AFF3: variants seen among roughly 807,000 people sequenced by gnomAD.
The protein encoded by AFF3 is AF4/FMR2 family member 3.
Under a neutral mutation model 129.7 loss-of-function variants are expected in AFF3, and 32 were observed. The observed-to-expected ratio is 0.25, with a 90% confidence interval of 0.19 to 0.33. The LOEUF (loss-of-function observed/expected upper bound fraction) is 0.33. AFF3 is among the 10% of genes least tolerant of loss of function. The pLI is 1.00. For missense variants in AFF3, 1,373 were observed against 1,592.0 expected, an observed-to-expected ratio of 0.86 and a Z score of 2.34; for synonymous variants, 644 against 635.4, an observed-to-expected ratio of 1.01 and a Z score of -0.20.
intron 7 of AFF3, among the ~76,000 whole-genome samples, chr2:99,947,888 G>A (rs111621091): frequency 1.3e-4 from 20 of 152,194 alleles, no homozygotes; most frequent in Admixed American, 2.6e-4. Context: ...TTTTCTCAGC[G>A]CTGGAATAAA....
Position 99,832,102 on chromosome 2 carries a change from T to C in AFF3, c.921+5375A>G, listed in dbSNP as rs114297789. Among the ~76,000 whole-genome samples, 466 of 152,330 alleles carry C rather than the reference T, an allele frequency of 3.1e-3. 3 individuals carry two copies. Among genetic ancestry groups the C allele is most frequent in the African/African-American group, 0.011 (449 of 41,568 alleles). ...GAAACTATGAAACCTTTGCATAAAA[T>C]ATTGACAAACGCCCCGTGAAAAGAT... is the stretch of plus-strand genomic sequence containing the variant. On this transcript the variant is annotated intron_variant, in intron 8 of 24. Coordinates refer to ENST00000672756, the MANE Select transcript of AFF3 (RefSeq NM_001386135.1).
At chr2:99,899,514 T>C (rs1049971966) in intron 7 of AFF3, among the ~76,000 whole-genome samples, 1 of 152,220 alleles carries the variant, frequency 6.6e-6, no homozygotes, top group Non-Finnish European at 1.5e-5. Context: ...GATCCATTTA[T>C]CTTCACTGGT....
chr2:99,573,159 C>G (rs931346144), intron 18 of AFF3, among the ~76,000 whole-genome samples: 3 of 151,972 alleles, frequency 2.0e-5, no homozygotes, highest in Non-Finnish European at 4.4e-5. Flanking sequence ...CTTACAAAAC[C>G]CTAAAGATGA....
intron 11 of AFF3, among the ~76,000 whole-genome samples, chr2:99,716,206 T>C (rs746414424): frequency 7.9e-5 from 12 of 152,192 alleles, no homozygotes; most frequent in Admixed American, 2.6e-4. Flanking sequence ...CCTAGAATTT[T>C]TCTAGTATAG....
At chr2:99,950,352 A>G (rs1303032979) in intron 7 of AFF3, among the ~76,000 whole-genome samples, 1 of 152,198 alleles carries the variant, frequency 6.6e-6, no homozygotes, top group Non-Finnish European at 1.5e-5. Context: ...TAAGGGAAAA[A>G]TAAGTTAAAG....
At chr2:99,988,278 T>C (rs1483122897) in intron 7 of AFF3, among the ~76,000 whole-genome samples, 1 of 152,202 alleles carries the variant, frequency 6.6e-6, no homozygotes, top group Non-Finnish European at 1.5e-5. Context: ...TAGTGCCAGC[T>C]TGACTTCATC....
intron 7 of AFF3, among the ~76,000 whole-genome samples, chr2:99,970,212 G>A (rs747943995): frequency 2.6e-5 from 4 of 152,110 alleles, no homozygotes; most frequent in African/African-American, 4.8e-5. Flanking sequence ...TCCGTGTACC[G>A]TCCTGAAGGG....
intron 4 of AFF3, among the ~76,000 whole-genome samples, chr2:100,086,862 C>T (rs1017765503): frequency 4.6e-5 from 7 of 152,246 alleles, no homozygotes; most frequent in African/African-American, 1.4e-4. Flanking sequence ...TCATTTCTAT[C>T]TGTTATGCCA....
chr2:100,124,999 A>T (rs1692126202), intron 2 of AFF3, among the ~76,000 whole-genome samples: 1 of 152,248 alleles, frequency 6.6e-6, no homozygotes, highest in African/African-American at 2.4e-5. Flanking sequence ...TGACAGAATC[A>T]TAGCAACTTG....
intron 2 of AFF3, among the ~76,000 whole-genome samples, chr2:100,113,156 A>G (rs995220603): frequency 1.3e-5 from 2 of 152,194 alleles, no homozygotes; most frequent in African/African-American, 4.8e-5. Context: ...TCAGGCCTCA[A>G]GAGGATAATC....
intron 4 of AFF3, among the ~76,000 whole-genome samples, chr2:100,043,028 A>AT (rs34981944): frequency 0.024 from 3,541 of 147,866 alleles, 133 homozygotes; most frequent in African/African-American, 0.079. Context: ...ACCCAGAAGA[A>AT]TTTTTTTTTT....
At chr2:100,030,896 T>C (rs1345143002) in intron 4 of AFF3, among the ~76,000 whole-genome samples, 1 of 152,192 alleles carries the variant, frequency 6.6e-6, no homozygotes, top group Non-Finnish European at 1.5e-5. Context: ...AACTATTCTG[T>C]ATGATACTGT....
intron 20 of AFF3, among the ~76,000 whole-genome samples, chr2:99,564,137 A>G (rs529791044): frequency 1.3e-5 from 2 of 152,246 alleles, no homozygotes. Flanking sequence ...TTGATTCCTT[A>G]ATTGTTTATT....
At chr2:99,605,979 C>A (rs897303899) in intron 13 of AFF3, among the ~76,000 whole-genome samples, 3 of 152,190 alleles carry the variant, frequency 2.0e-5, no homozygotes, top group Non-Finnish European at 4.4e-5. Flanking sequence ...TGAGCCACTG[C>A]ACCCAGCCTA....
Position 100,094,222 on chromosome 2 carries a change from T to C in AFF3, c.53+10180A>G, listed in dbSNP as rs183063912. Among the ~76,000 whole-genome samples, 415 of 152,312 alleles carry C rather than the reference T, an allele frequency of 2.7e-3. 2 individuals are homozygous for C. The highest frequency in any genetic ancestry group is 9.6e-3 in the African/African-American group (397 of 41,570). ...CAGGATGGTTCAAGTGCATTACATT[T>C]ATTGTAGACTTCATTTCTATTATTA... On this transcript the variant is annotated intron_variant, in intron 4 of 24. Transcript: ENST00000672756.
At position 99,744,089 on chromosome 2, in the gene AFF3, C is replaced by T. The variant is rs780321995; in HGVS notation, c.1039+15G>A. On this transcript the variant is annotated intron_variant, in intron 10 of 24. Coordinates refer to ENST00000672756, the MANE Select transcript of AFF3 (RefSeq NM_001386135.1). Reference sequence around the variant, plus strand: ...CTGCTCCCCAGATGAAACTCCAGAGCGAAGTCTTTCTTACTTGGATTATTG... The same window carrying T: ...CTGCTCCCCAGATGAAACTCCAGAGTGAAGTCTTTCTTACTTGGATTATTG... 54 of 1,598,348 alleles carry T rather than the reference C, an allele frequency of 3.4e-5. No individual in the cohort carries two copies. Among genetic ancestry groups the T allele is most frequent in the South Asian group, 2.9e-4 (26 of 88,932 alleles).
chr2:99,651,323 G>A (rs372912308), intron 12 of AFF3, among the ~76,000 whole-genome samples: 134 of 152,246 alleles, frequency 8.8e-4, no homozygotes, highest in Middle Eastern at 3.4e-3. Flanking sequence ...GGCACACGAT[G>A]CTCTCTGTCT....
intron 7 of AFF3, among the ~76,000 whole-genome samples, chr2:99,891,105 CTTTA>C (rs1267109784): frequency 6.6e-6 from 1 of 152,068 alleles, no homozygotes; most frequent in African/African-American, 2.4e-5. Context: ...GGGCAAGAGC[CTTTA>C]TTGTTTTCCA....
At chr2:100,024,454 C>A (rs1346204504) in intron 4 of AFF3, among the ~76,000 whole-genome samples, 2 of 143,414 alleles carry the variant, frequency 1.4e-5, no homozygotes. Context: ...AAAAAAAATA[C>A]AAAATTAGCC....
Sources: allele counts gnomAD v4.1 joint callset (sites outside exome capture counted in the v4.1 genomes callset), GRCh38; gene constraint gnomAD v4.1.1; transcripts MANE v1.5; gene names NCBI Gene and HGNC (gene_info 2026-07-23, HGNC 2026-07-21).